TEAD1: variants seen among roughly 807,000 people sequenced by gnomAD.
TEAD1 encodes the protein transcriptional enhancer factor TEF-1.
In TEAD1, 9 loss-of-function variants were observed where a neutral mutation model predicts 54.9. The observed-to-expected ratio is 0.16, with a 90% confidence interval of 0.10 to 0.29. The LOEUF (loss-of-function observed/expected upper bound fraction) is 0.29, where lower values mean the gene tolerates loss of function less well. Ranked by LOEUF, TEAD1 falls within the 10% of genes least tolerant of loss-of-function variation. The pLI, the probability that TEAD1 is intolerant of heterozygous loss-of-function variation, is 1.00. For synonymous variants in TEAD1, 200 were observed against 187.8 expected (o/e 1.07, Z -0.53); for missense variants, 387 against 535.9 (o/e 0.72, Z 2.74).
intron 3 of TEAD1, among the ~76,000 whole-genome samples, chr11:12,818,489 G>C (rs1289125349): frequency 6.6e-6 from 1 of 152,178 alleles, no homozygotes; most frequent in South Asian, 2.1e-4. Flanking sequence ...TTGGAGATCA[G>C]TGGTGGTGCT....
At chr11:12,685,162 A>G (rs1943307332) in intron 2 of TEAD1, among the ~76,000 whole-genome samples, 1 of 152,172 alleles carries the variant, frequency 6.6e-6, no homozygotes, top group African/African-American at 2.4e-5. Flanking sequence ...TTTTATTGAC[A>G]TCTTTTCCTT....
At chr11:12,910,871 C>T (rs371022348) in intron 10 of TEAD1, among the ~76,000 whole-genome samples, 24 of 151,718 alleles carry the variant, frequency 1.6e-4, no homozygotes, top group Middle Eastern at 6.8e-3. Flanking sequence ...CTCAGCCTCC[C>T]GAGTAGCTGG....
chr11:12,842,972 C>G lies in TEAD1; in HGVS notation c.203-19278C>G, dbSNP rs115463745. On this transcript the variant is annotated intron_variant, in intron 3 of 12. Coordinates refer to ENST00000527636, the MANE Select transcript of TEAD1 (RefSeq NM_021961.6). ...GTCTGAGACATTTTCAAATTTTGTT[C>G]TAATTTCACTAAACTAACTCTATTC... Among the ~76,000 whole-genome samples, 1,479 of 152,166 alleles carry G rather than the reference C, an allele frequency of 9.7e-3. 22 individuals are homozygous for G. The highest frequency in any genetic ancestry group is 0.034 in the African/African-American group (1,398 of 41,492).
intron 2 of TEAD1, among the ~76,000 whole-genome samples, chr11:12,703,417 A>G (rs1943744254): frequency 6.6e-6 from 1 of 152,204 alleles, no homozygotes; most frequent in South Asian, 2.1e-4. Flanking sequence ...AGTGACACAT[A>G]GCAAGTGCTC....
At chr11:12,905,233 T>G (rs1948498171) in intron 10 of TEAD1, among the ~76,000 whole-genome samples, 1 of 152,214 alleles carries the variant, frequency 6.6e-6, no homozygotes, top group Admixed American at 6.5e-5. Flanking sequence ...TTTTACCCAG[T>G]GGATGATTTT....
intron 3 of TEAD1, among the ~76,000 whole-genome samples, chr11:12,821,609 A>G (rs1349163739): frequency 1.3e-5 from 2 of 152,154 alleles, no homozygotes; most frequent in East Asian, 3.9e-4. Flanking sequence ...CTGGAGGACC[A>G]TGACTTTTAT....
At chr11:12,906,656 G>A (rs989375154) in intron 10 of TEAD1, among the ~76,000 whole-genome samples, 3 of 152,082 alleles carry the variant, frequency 2.0e-5, no homozygotes, top group Non-Finnish European at 4.4e-5. Flanking sequence ...GTCACCCCGC[G>A]AGGATCTCCT....
At chr11:12,909,327 T>C (rs1361106971) in intron 10 of TEAD1, among the ~76,000 whole-genome samples, 1 of 152,232 alleles carries the variant, frequency 6.6e-6, no homozygotes, top group Non-Finnish European at 1.5e-5. Flanking sequence ...CAGTCTATTA[T>C]TGAATACTAT....
chr11:12,681,016 C>T (rs757257026), intron 2 of TEAD1, among the ~76,000 whole-genome samples: 41 of 152,230 alleles, frequency 2.7e-4, no homozygotes, highest in South Asian at 1.0e-3. Flanking sequence ...CATTGTGAGC[C>T]GATGCTTCCT....
intron 3 of TEAD1, among the ~76,000 whole-genome samples, chr11:12,781,168 T>C (rs1013961930): frequency 6.6e-6 from 1 of 152,174 alleles, no homozygotes; most frequent in Admixed American, 6.5e-5. Flanking sequence ...TCCTCACATA[T>C]CATATATCAT....
intron 3 of TEAD1, among the ~76,000 whole-genome samples, chr11:12,832,079 C>T (rs1471141494): frequency 6.6e-6 from 1 of 152,106 alleles, no homozygotes; most frequent in African/African-American, 2.4e-5. Flanking sequence ...TCCCAATAAA[C>T]CACACTGTCC....
chr11:12,841,152 G>A (rs1306268844), intron 3 of TEAD1, among the ~76,000 whole-genome samples: 2 of 152,352 alleles, frequency 1.3e-5, no homozygotes, highest in African/African-American at 4.8e-5. Context: ...AAAAGGAACA[G>A]AATTTAAAAG....
At chr11:12,764,581 C>G in intron 3 of TEAD1, 147 bp downstream of exon 3, 1 of 945,548 alleles carries the variant, frequency 1.1e-6, no homozygotes, top group Non-Finnish European at 1.6e-6. Flanking sequence ...AAAGGACTCA[C>G]CCTAAACTAA....
intron 3 of TEAD1, among the ~76,000 whole-genome samples, chr11:12,792,961 G>C (rs911091228): frequency 7.2e-5 from 11 of 152,308 alleles, no homozygotes; most frequent in African/African-American, 2.6e-4. Context: ...GCTGAGGCAG[G>C]AGGATTGCTT....
intron 3 of TEAD1, among the ~76,000 whole-genome samples, chr11:12,766,836 G>T (rs1182769037): frequency 2.0e-5 from 3 of 152,208 alleles, no homozygotes; most frequent in African/African-American, 4.8e-5. Flanking sequence ...CTTACTGGTT[G>T]TGGGTTTTTC....
intron 3 of TEAD1, among the ~76,000 whole-genome samples, chr11:12,781,212 T>C (rs1945534384): frequency 6.6e-6 from 1 of 152,218 alleles, no homozygotes; most frequent in Non-Finnish European, 1.5e-5. Flanking sequence ...ATGTAAAAGC[T>C]ATGATTATGA....
At chr11:12,776,856 A>G (rs1467179891) in intron 3 of TEAD1, among the ~76,000 whole-genome samples, 4 of 150,368 alleles carry the variant, frequency 2.7e-5, no homozygotes, top group East Asian at 2.0e-4. Context: ...CTGGAGTGCA[A>G]TGGCACCATC....
intron 9 of TEAD1, among the ~76,000 whole-genome samples, chr11:12,897,694 A>C (rs1032950957): frequency 6.6e-6 from 1 of 152,158 alleles, no homozygotes; most frequent in African/African-American, 2.4e-5. Context: ...CACAGAGGTA[A>C]ATTCCTCAAA....
Position 12,746,705 on chromosome 11 carries a change from G to A in TEAD1, c.-54-17474G>A, listed in dbSNP as rs557725308. On this transcript the variant is annotated intron_variant, in intron 2 of 12. Coordinates refer to ENST00000527636, the MANE Select transcript of TEAD1 (RefSeq NM_021961.6). ...GGCACTTCCCTCCTACACTTGGCCC[G>A]CATGCGTGGTTTAGGCAGGCCCACT... Among the ~76,000 whole-genome samples the A allele has an allele frequency of 3.7e-4, 56 of 152,226 alleles. No homozygotes were observed. The East Asian group carries it at 5.0e-3, about 14-fold the overall frequency.
Sources: allele counts gnomAD v4.1 joint callset (sites outside exome capture counted in the v4.1 genomes callset), GRCh38; gene constraint gnomAD v4.1.1; transcripts MANE v1.5; gene names NCBI Gene and HGNC (gene_info 2026-07-23, HGNC 2026-07-21).